Variants in PSME4 observed in about 807,000 individuals in gnomAD.
PSME4 encodes the protein proteasome activator complex subunit 4.
A neutral mutation model predicts 253.9 loss-of-function variants in PSME4; 89 were observed. The ratio of observed to expected loss-of-function variants is 0.35; its 90% CI spans 0.30 to 0.42. The LOEUF (loss-of-function observed/expected upper bound fraction) is 0.42. Ranked by LOEUF, PSME4 falls within the 10% of genes least tolerant of loss-of-function variation. The pLI, the probability that PSME4 is intolerant of heterozygous loss-of-function variation, is 1.00. For synonymous variants in PSME4, 851 were observed against 759.2 expected (o/e 1.12, Z -1.99); for missense variants, 2,014 against 2,195.2 (o/e 0.92, Z 1.65).
chr2:53,944,597 T>C (rs987297378), intron 3 of PSME4, among the ~76,000 whole-genome samples: 5 of 152,254 alleles, frequency 3.3e-5, no homozygotes, highest in Non-Finnish European at 7.3e-5. Flanking sequence ...ATCTTTTAAA[T>C]TTCAACAAGT....
intron 22 of PSME4, 72 bp downstream of exon 22, chr2:53,908,712 G>C (rs1667678701): frequency 6.9e-7 from 1 of 1,441,134 alleles, no homozygotes; most frequent in Admixed American, 2.0e-5. Context: ...GTAAACACAT[G>C]CATGTTATAG....
rs752282325 is a variant in PSME4 at position 53,908,838 on chromosome 2, G to C, written c.2575C>G (p.Leu859Val). The C allele has an allele frequency of 3.8e-6, 6 of 1,587,370 alleles. No individual in the cohort carries two copies. The highest frequency in any genetic ancestry group is 5.2e-6 in the Non-Finnish European group (6 of 1,164,674). Residue 859 changes from leucine (L) to valine (V), a missense_variant and splice_region_variant, in exon 22 of 47, where the codon CTG becomes GTG. Leu to Val is a conservative substitution (Grantham distance 32). Transcript: ENST00000404125. Reference protein sequence around the residue: ...TKLYTGLEYDLSRENHREVIA... With the variant: ...TKLYTGLEYDVSRENHREVIA... Reference sequence around the variant, plus strand: ...ACTTCTCGGTGGTTCTCTCGAGACAGATCTATTTTGAAAAAATAAAAGAAG... The same window carrying C: ...ACTTCTCGGTGGTTCTCTCGAGACACATCTATTTTGAAAAAATAAAAGAAG...
chr2:53,969,550 A>T (rs1670930264), intron 1 of PSME4, among the ~76,000 whole-genome samples: 1 of 152,210 alleles, frequency 6.6e-6, no homozygotes, highest in South Asian at 2.1e-4. Flanking sequence ...GCGTGAACAT[A>T]CCATGTTACT....
intron 20 of PSME4, among the ~76,000 whole-genome samples, chr2:53,917,658 T>C (rs1295713372): frequency 6.6e-6 from 1 of 152,192 alleles, no homozygotes; most frequent in Admixed American, 6.5e-5. Context: ...ATTCTAATTG[T>C]TGACACCTTC....
chr2:53,893,620 C>T (rs372616583), intron 35 of PSME4, 54 bp downstream of exon 35: 13 of 1,585,692 alleles, frequency 8.2e-6, no homozygotes, highest in African/African-American at 5.4e-5. Flanking sequence ...TATGAACCTA[C>T]GAACTGAATA....
At chr2:53,909,832 C>T (rs1425484554) in intron 21 of PSME4, among the ~76,000 whole-genome samples, 1 of 152,028 alleles carries the variant, frequency 6.6e-6, no homozygotes, top group African/African-American at 2.4e-5. Context: ...CTTGGTGGTG[C>T]ACACCTGTAA....
intron 41 of PSME4, among the ~76,000 whole-genome samples, chr2:53,883,256 G>A (rs1486016921): frequency 1.3e-5 from 2 of 152,306 alleles, no homozygotes; most frequent in Non-Finnish European, 2.9e-5. Flanking sequence ...GCTCACACCT[G>A]TAATCCTAGC....
At chr2:53,917,104 A>G (rs1298300806) in intron 20 of PSME4, among the ~76,000 whole-genome samples, 4 of 150,826 alleles carry the variant, frequency 2.7e-5, no homozygotes, top group Non-Finnish European at 5.9e-5. Context: ...ATGTTTAAAT[A>G]AATATACATA....
chr2:53,866,816 A>G lies in PSME4; in HGVS notation c.5328T>C (p.Asp1776=), dbSNP rs200026743. 7.1e-5 allele frequency: 114 copies of G among 1,613,972 alleles called. 1 individual carries two copies. Among genetic ancestry groups the G allele is most frequent in the Middle Eastern group, 3.3e-4 (2 of 6,084 alleles). The change falls in exon 45 of 47, where the codon GAT becomes GAC. Residue 1776 remains aspartate, a synonymous_variant. Transcript: ENST00000404125. ...GGAGCTGGGGCATCCAGGTGGGAAC[A>G]TCGTAAGGACTAGAAAGAACACATG... ...LGACVLSSPY[D]VPTWMPQLLM...
chr2:53,910,453 T>C (rs917814125), intron 20 of PSME4, among the ~76,000 whole-genome samples: 1 of 152,210 alleles, frequency 6.6e-6, no homozygotes, highest in African/African-American at 2.4e-5. Flanking sequence ...AGCTTAATAA[T>C]GGCACAACAG....
intron 3 of PSME4, chr2:53,942,023 C>G (rs1303758689): frequency 8.5e-5 from 13 of 152,538 alleles, no homozygotes; most frequent in Admixed American, 8.5e-4. Context: ...AGTCACTTCA[C>G]TTATTAGAGG....
intron 1 of PSME4, among the ~76,000 whole-genome samples, chr2:53,953,707 TA>T (rs1257629771): frequency 6.6e-6 from 1 of 152,060 alleles, no homozygotes; most frequent in Non-Finnish European, 1.5e-5. Context: ...CCTGTAAGCT[TA>T]AGTTCAAAAA....
At chr2:53,959,343 T>A (rs805337) in intron 1 of PSME4, among the ~76,000 whole-genome samples, 33,549 of 151,728 alleles carry the variant, frequency 0.22, 4,105 homozygotes, top group South Asian at 0.31. Flanking sequence ...ACAGCCTAAG[T>A]GACAGAGCGA....
At chr2:53,916,070 C>A (rs1177951321) in intron 20 of PSME4, among the ~76,000 whole-genome samples, 1 of 151,590 alleles carries the variant, frequency 6.6e-6, no homozygotes, top group African/African-American at 2.4e-5. Flanking sequence ...AGCAAAACTC[C>A]ACCTCAAAAA....
chr2:53,917,156 T>C (rs2104448290), intron 20 of PSME4: 1 of 152,524 alleles, frequency 6.6e-6, no homozygotes, highest in Non-Finnish European at 1.5e-5. Flanking sequence ...ATTATTACAT[T>C]AAATTTTCAC....
intron 24 of PSME4, among the ~76,000 whole-genome samples, chr2:53,907,798 G>A (rs528194970): frequency 6.6e-6 from 1 of 152,156 alleles, no homozygotes; most frequent in East Asian, 1.9e-4. Flanking sequence ...TCTAGCAACT[G>A]TTGTCTAAAC....
At chr2:53,968,981 G>A (rs1023501847) in intron 1 of PSME4, among the ~76,000 whole-genome samples, 2 of 152,132 alleles carry the variant, frequency 1.3e-5, no homozygotes, top group African/African-American at 4.8e-5. Flanking sequence ...ACTAAAAAAA[G>A]CTGTTTGCGT....
At position 53,940,001 on chromosome 2, in the gene PSME4, C is replaced by A; in HGVS notation, c.501-1G>T. The A allele has an allele frequency of 6.3e-7, 1 of 1,577,208 alleles. No homozygotes were observed. The highest frequency in any genetic ancestry group is 2.3e-5 in the East Asian group (1 of 44,226). Reference sequence around the variant, plus strand: ...TGTTTTGAGAATATTTTCTACAGAACTGGGGGGGGAAAGCCATTTGATAAT... The same window carrying A: ...TGTTTTGAGAATATTTTCTACAGAAATGGGGGGGGAAAGCCATTTGATAAT... On this transcript the variant is annotated splice_acceptor_variant, in intron 3 of 46. Transcript: ENST00000404125. LOFTEE classifies it high-confidence loss of function.
At chr2:53,896,192 A>C (rs1365169645) in intron 32 of PSME4, among the ~76,000 whole-genome samples, 1 of 152,196 alleles carries the variant, frequency 6.6e-6, no homozygotes, top group Non-Finnish European at 1.5e-5. Flanking sequence ...TCAAATAATC[A>C]AAATACAATT....
Sources: gnomAD v4.1 joint callset for allele counts (sites outside exome capture counted in the v4.1 genomes callset) on GRCh38, gnomAD v4.1.1 for gene constraint, MANE v1.5 for transcripts, NCBI Gene and HGNC (gene_info 2026-07-23, HGNC 2026-07-21) for gene names.